Variants in GSTM2 observed in about 807,000 individuals in gnomAD.
GSTM2 encodes the protein GST class-mu 2.
In GSTM2, 33 loss-of-function variants were observed where a neutral mutation model predicts 33.3. The observed-to-expected ratio is 0.99, with a 90% confidence interval of 0.75 to 1.33. The LOEUF (loss-of-function observed/expected upper bound fraction) is 1.33, where lower values mean the gene tolerates loss of function less well. Among genes scored for constraint, GSTM2 ranks in the 40% most tolerant of loss-of-function variants. GSTM2 has a pLI of 0.00. For synonymous variants in GSTM2, 93 were observed against 95.6 expected (o/e 0.97, Z 0.16); for missense variants, 213 against 265.8 (o/e 0.80, Z 1.38).
Position 109,669,560 on chromosome 1 carries a change from G to T in GSTM2, c.349G>T (p.Asp117Tyr). 1 of 1,603,332 alleles carries T rather than the reference G, an allele frequency of 6.2e-7. No individual in the cohort carries two copies. The highest frequency in any genetic ancestry group is 8.5e-7 in the Non-Finnish European group (1 of 1,170,804). Residue 117 changes from aspartate to tyrosine, a missense_variant, in exon 5 of 8, where the codon GAC becomes TAC. Transcript: ENST00000241337. ...SRMQLAKLCY[D>Y]PDFEKLKPEY... The stretch of plus-strand genomic sequence containing the variant: ...TATGCAGCTGGCCAAACTCTGCTAT[G>T]ACCCAGATTTTGTAAGTCCCCCCAC...
In GSTM2 at chr1:109,668,424, G is replaced by A. The variant is rs1178852332; in HGVS notation, c.37-1G>A. ...CCCGAGCTGTGGGCCATCTCTCCCA[G>A]CTGGCCCATTCCATCCGCCTGCTCC... On this transcript the variant is annotated splice_acceptor_variant, in intron 1 of 7. Coordinates refer to ENST00000241337, the MANE Select transcript of GSTM2 (RefSeq NM_000848.4). LOFTEE classifies it high-confidence loss of function. The A allele has an allele frequency of 6.2e-6, 10 of 1,613,910 alleles. No homozygotes were observed. The African/African-American group carries it at 1.1e-4, about 17-fold the overall frequency.
At chr1:109,673,481 A>C in intron 7 of GSTM2, 1 of 513,380 alleles carries the variant, frequency 1.9e-6, no homozygotes, top group Non-Finnish European at 3.5e-6. Context: ...TCCACTCCCC[A>C]TCAAGAGATC....
At chr1:109,671,720 C>T (rs919354483) in intron 7 of GSTM2, 137 bp downstream of exon 7, 29 of 703,768 alleles carry the variant, frequency 4.1e-5, no homozygotes, top group South Asian at 1.8e-4. Flanking sequence ...GTAATCTCAG[C>T]GCTTTGGAGG....
At chr1:109,673,124 C>T in intron 7 of GSTM2, 1 of 1,566,672 alleles carries the variant, frequency 6.4e-7, no homozygotes, top group Non-Finnish European at 8.6e-7. Context: ...CCCACCTCAG[C>T]CTCCCTAAGT....
At chr1:109,677,609 C>T (rs147423394), downstream of GSTM2, among the ~76,000 whole-genome samples, 109 of 152,222 alleles carry the variant, frequency 7.2e-4, 1 homozygote, top group Middle Eastern at 3.4e-3. Flanking sequence ...GAAATGATTC[C>T]ATGGTATCAG....
chr1:109,668,300 G>C, intron 1 of GSTM2, 125 bp from the exon 2 acceptor site: 1 of 1,362,302 alleles, frequency 7.3e-7, no homozygotes, highest in East Asian at 2.3e-5. Flanking sequence ...GCGTGTGGCT[G>C]GGCGTGCGGG....
At chr1:109,677,803 A>G (rs1647740852), downstream of GSTM2, among the ~76,000 whole-genome samples, 1 of 152,206 alleles carries the variant, frequency 6.6e-6, no homozygotes, top group African/African-American at 2.4e-5. Context: ...TTCAATGAAA[A>G]GCATGCATTA....
At chr1:109,674,467 C>T (rs1284453044) in intron 7 of GSTM2, among the ~76,000 whole-genome samples, 1 of 152,174 alleles carries the variant, frequency 6.6e-6, no homozygotes, top group Non-Finnish European at 1.5e-5. Flanking sequence ...AGTGGGTTTT[C>T]TAAGCTTACG....
intron 7 of GSTM2, among the ~76,000 whole-genome samples, chr1:109,672,400 G>C (rs1053258361): frequency 6.6e-5 from 10 of 152,264 alleles, no homozygotes; most frequent in Admixed American, 5.2e-4. Context: ...ATTCCTACAG[G>C]GTGGTAGAAT....
downstream of GSTM2, among the ~76,000 whole-genome samples, chr1:109,679,820 G>C (rs770944382): frequency 2.0e-5 from 3 of 152,200 alleles, no homozygotes; most frequent in African/African-American, 2.4e-5. Context: ...TATTGTGTTT[G>C]TGAGGGTGTT....
downstream of GSTM2, among the ~76,000 whole-genome samples, chr1:109,675,509 G>A (rs1423305132): frequency 6.7e-6 from 1 of 149,534 alleles, no homozygotes; most frequent in East Asian, 1.9e-4. Flanking sequence ...CTCTTTCTTG[G>A]CCTGGATCTC....
rs1647539543 is a variant in GSTM2, at chr1:109,671,389, G to A, written c.456+7G>A. On this transcript the variant is annotated splice_region_variant and intron_variant, in intron 6 of 7. Transcript: ENST00000241337. The stretch of plus-strand genomic sequence containing the variant: ...ATGGTTTCTTGGGGACAAGGTAATG[G>A]GGGCGTGTGATGGGGACACCACAGA... The A allele has an allele frequency of 6.2e-7, 1 of 1,606,734 alleles. No individual in the cohort carries two copies. Among genetic ancestry groups the A allele is most frequent in the South Asian group, 1.1e-5 (1 of 90,952 alleles).
At chr1:109,674,696 C>T in intron 7 of GSTM2, 51 bp from the exon 8 acceptor site, 1 of 1,613,348 alleles carries the variant, frequency 6.2e-7, no homozygotes, top group Non-Finnish European at 8.5e-7. Context: ...GTTGTGCCAG[C>T]CCTCATGGGC....
rs1647399362 is a variant in GSTM2 at position 109,668,143 on chromosome 1, A to T, written c.28A>T (p.Ile10Phe). ...GCCCATGACACTGGGGTACTGGAAC[A>T]TCCGCGGGGTGAGCCAGGGTCCGCT... Reference protein sequence around the residue: MPMTLGYWNIRGLAHSIRLL... With the variant: MPMTLGYWNFRGLAHSIRLL... The change falls in exon 1 of 8, where the codon ATC (isoleucine) becomes TTC (phenylalanine). Residue 10 changes from isoleucine (I) to phenylalanine (F), a missense_variant. Ile to Phe is a conservative substitution (Grantham distance 21). Coordinates refer to ENST00000241337, the MANE Select transcript of GSTM2 (RefSeq NM_000848.4). The T allele has an allele frequency of 8.1e-6, 13 of 1,613,560 alleles. No individual in the cohort carries two copies. Among genetic ancestry groups the T allele is most frequent in the Non-Finnish European group, 1.1e-5 (13 of 1,179,670 alleles).
In GSTM2 at chr1:109,668,714, G is replaced by A. The variant is rs1191237361; in HGVS notation, c.113-211G>A. ...GGGTAATTATGATGGGTGTCCCTCA[G>A]GGCTTGCCTAAACCCTGGAAGCCTT... On this transcript the variant is annotated intron_variant, in intron 2 of 7. Coordinates refer to ENST00000241337, the MANE Select transcript of GSTM2 (RefSeq NM_000848.4). 23 of 792,024 alleles carry A rather than the reference G, an allele frequency of 2.9e-5. 1 individual carries two copies. In the South Asian group the frequency reaches 3.7e-4, roughly 13 times the overall value. 49.1% of individuals were successfully genotyped at this position (792,024 alleles called of 1,614,324 possible). A position where few individuals can be genotyped will look rare whatever the true frequency, so the allele number is the denominator to read the frequency against.
At chr1:109,673,440 A>G in intron 7 of GSTM2, 1 of 646,170 alleles carries the variant, frequency 1.5e-6, no homozygotes, top group South Asian at 1.9e-5. Flanking sequence ...TTTGTCCAAC[A>G]GGCTTCTGAG....
At chr1:109,678,907 CTTAT>C (rs113381107), downstream of GSTM2, among the ~76,000 whole-genome samples, 2,837 of 150,830 alleles carry the variant, frequency 0.019, 73 homozygotes, top group African/African-American at 0.063. Flanking sequence ...ATTTTTCTAA[CTTAT>C]TTATTTGTTT....
chr1:109,669,814 C>T, intron 5 of GSTM2: 1 of 514,486 alleles, frequency 1.9e-6, no homozygotes, highest in South Asian at 2.6e-5. Flanking sequence ...TGTGGTCTTG[C>T]TGACTTCAGG....
chr1:109,668,679 G>T, intron 2 of GSTM2, 179 bp downstream of exon 2: 1 of 838,024 alleles, frequency 1.2e-6, no homozygotes, highest in Non-Finnish European at 2.0e-6. Flanking sequence ...GGGATGCTGG[G>T]CCCCCGTCTG....
Sources: allele counts gnomAD v4.1 joint callset (sites outside exome capture counted in the v4.1 genomes callset), GRCh38; gene constraint gnomAD v4.1.1; transcripts MANE v1.5; gene names NCBI Gene and HGNC (gene_info 2026-07-23, HGNC 2026-07-21).